BLK: variants seen among roughly 807,000 people sequenced by gnomAD.
BLK encodes tyrosine-protein kinase Blk.
A neutral mutation model predicts 61.8 loss-of-function variants in BLK; 64 were observed. The observed-to-expected ratio is 1.03, with a 90% CI of 0.85 to 1.27. BLK has a LOEUF of 1.27. Among genes scored for constraint, BLK ranks in the 50% most tolerant of loss-of-function variants. The probability of loss-of-function intolerance (pLI) is 0.00; values close to 1 mark genes in which losing one functional copy is unlikely to be tolerated. For synonymous variants in BLK, 351 were observed against 272.0 expected, an observed-to-expected ratio of 1.29 and a Z score of -2.86; for missense variants, 853 against 660.5, an observed-to-expected ratio of 1.29 and a Z score of -3.19.
chr8:11,512,642 A>T (rs1325709898), intron 1 of BLK, among the ~76,000 whole-genome samples: 1 of 142,424 alleles, frequency 7.0e-6, no homozygotes, highest in East Asian at 2.1e-4. Flanking sequence ...TGCAAATTAC[A>T]CAGGCTTCTG....
chr8:11,537,931 T>A (rs1326218952), intron 1 of BLK, among the ~76,000 whole-genome samples: 1 of 152,134 alleles, frequency 6.6e-6, no homozygotes, highest in African/African-American at 2.4e-5. Context: ...AAAGTCTGCA[T>A]TAGAGGGCCT....
At chr8:11,539,261 C>T (rs1279013663) in intron 1 of BLK, among the ~76,000 whole-genome samples, 1 of 152,160 alleles carries the variant, frequency 6.6e-6, no homozygotes. Context: ...ATGGGATTCC[C>T]TCATGCACCT....
Position 11,555,524 on chromosome 8 carries a change from C to A in BLK, c.772+40C>A, listed in dbSNP as rs1290465307. On this transcript the variant is annotated intron_variant, in intron 8 of 12. Transcript: ENST00000259089. ...ACGTGGGAGCATTTCTCCCCCCATTCCACCTGCGCCGCATCCTGAGTCCAG... is the reference window on the plus strand; with the variant it reads ...ACGTGGGAGCATTTCTCCCCCCATTACACCTGCGCCGCATCCTGAGTCCAG... 4 of 1,613,426 alleles carry A rather than the reference C, an allele frequency of 2.5e-6. No homozygotes were observed. The South Asian group carries it at 4.4e-5, about 18-fold the overall frequency.
Position 11,555,373 on chromosome 8 carries a change from G to A in BLK, c.661G>A (p.Val221Met). The change falls in exon 8 of 13, where the codon GTG (valine) becomes ATG (methionine). Residue 221 changes from valine (V) to methionine (M), a missense_variant. Val to Met is a conservative substitution (Grantham distance 21). Coordinates refer to ENST00000259089, the MANE Select transcript of BLK (RefSeq NM_001715.3). Reference sequence around the variant, plus strand: ...ATGCCAGAGGCTGACCCTGCCCTGTGTGCGCCCGGCCCCGCAGAATCCCTG... The same window carrying A: ...ATGCCAGAGGCTGACCCTGCCCTGTATGCGCCCGGCCCCGCAGAATCCCTG... ...GLCQRLTLPCVRPAPQNPWAQ... is the reference protein window; with the variant it reads ...GLCQRLTLPCMRPAPQNPWAQ... 6.2e-7 allele frequency: 1 copy of A among 1,614,138 alleles called. No homozygotes were observed. Among genetic ancestry groups the A allele is most frequent in the Non-Finnish European group, 8.5e-7 (1 of 1,180,024 alleles).
At position 11,495,942 on chromosome 8, in the gene BLK, T is replaced by C. The variant is rs574122827; in HGVS notation, c.-2+1351T>C. Among the ~76,000 whole-genome samples, 335 of 152,270 alleles carry C rather than the reference T, an allele frequency of 2.2e-3. 1 individual carries two copies. Among genetic ancestry groups the C allele is most frequent in the Non-Finnish European group, 3.7e-3 (253 of 68,018 alleles). ...TTGTAATTTTTCTCCAAATCTAAAA[T>C]TACTGCAAAATAAAGAGTTAAAAAA... On this transcript the variant is annotated intron_variant, in intron 1 of 12. Coordinates refer to ENST00000259089, the MANE Select transcript of BLK (RefSeq NM_001715.3).
At position 11,506,793 on chromosome 8, in the gene BLK, C is replaced by T. The variant is rs112599430; in HGVS notation, c.-2+12202C>T. ...CCTCTCAGAGATTCCAGGCCACATC[C>T]CAGGTTGAGGGATGCATCCTCCCAC... is the stretch of plus-strand genomic sequence containing the variant. On this transcript the variant is annotated intron_variant, in intron 1 of 12. Transcript: ENST00000259089. Among the ~76,000 whole-genome samples, 944 of 152,282 alleles carry T rather than the reference C, an allele frequency of 6.2e-3. 8 individuals are homozygous for T. Among genetic ancestry groups the T allele is most frequent in the African/African-American group, 0.02 (822 of 41,548 alleles).
intron 11 of BLK, among the ~76,000 whole-genome samples, chr8:11,562,238 C>T (rs1308753549): frequency 6.6e-6 from 1 of 152,218 alleles, no homozygotes; most frequent in African/African-American, 2.4e-5. Flanking sequence ...CCACGGAGCA[C>T]TGTTTTACTC....
At chr8:11,534,558 C>T (rs1224686578) in intron 1 of BLK, among the ~76,000 whole-genome samples, 1 of 152,218 alleles carries the variant, frequency 6.6e-6, no homozygotes, top group African/African-American at 2.4e-5. Context: ...ATGCCTTCTT[C>T]CTTCCTTCCT....
At chr8:11,503,236 C>G (rs1266374320) in intron 1 of BLK, among the ~76,000 whole-genome samples, 2 of 152,230 alleles carry the variant, frequency 1.3e-5, no homozygotes, top group African/African-American at 4.8e-5. Flanking sequence ...ATGTTCTGCA[C>G]TTAATAGATT....
chr8:11,528,272 A>C (rs1398281209), intron 1 of BLK, among the ~76,000 whole-genome samples: 1 of 152,158 alleles, frequency 6.6e-6, no homozygotes, highest in African/African-American at 2.4e-5. Flanking sequence ...CCTGAGCTCA[A>C]GTGATCTCCC....
In BLK at chr8:11,563,073, G is replaced by A. The variant is rs765390308; in HGVS notation, c.1275G>A (p.Leu425=). Residue 425 remains leucine (L), a synonymous_variant, in exon 12 of 13, where the codon CTG becomes CTA. Transcript: ENST00000259089. ...KADVWSFGVL[L]MEVVTYGRVP... is the part of the protein sequence containing the mutation. Reference sequence around the variant, plus strand: ...ACGTGTGGTCGTTTGGAGTCCTCCTGATGGAAGTTGTCACTTATGGGCGGG... The same window carrying A: ...ACGTGTGGTCGTTTGGAGTCCTCCTAATGGAAGTTGTCACTTATGGGCGGG... The A allele has an allele frequency of 3.7e-6, 6 of 1,613,996 alleles. No homozygotes were observed. The highest frequency in any genetic ancestry group is 1.3e-5 in the African/African-American group (1 of 74,950).
chr8:11,546,348 A>G (rs1800641000), intron 3 of BLK, among the ~76,000 whole-genome samples: 1 of 152,230 alleles, frequency 6.6e-6, no homozygotes, highest in Admixed American at 6.5e-5. Context: ...CAAACTGTAA[A>G]CAAGAACAAA....
intron 10 of BLK, chr8:11,559,037 G>A (rs931036650): frequency 2.9e-5 from 13 of 456,086 alleles, no homozygotes; most frequent in Non-Finnish European, 4.8e-5. Flanking sequence ...CCAGGGCAGT[G>A]ATAAGCCTGC....
At chr8:11,519,511 A>G (rs924169358) in intron 1 of BLK, among the ~76,000 whole-genome samples, 2 of 152,236 alleles carry the variant, frequency 1.3e-5, no homozygotes, top group Non-Finnish European at 2.9e-5. Flanking sequence ...TATTAGCTTG[A>G]ATGACATTAA....
At chr8:11,520,231 C>T (rs1488906265) in intron 1 of BLK, among the ~76,000 whole-genome samples, 5 of 152,046 alleles carry the variant, frequency 3.3e-5, no homozygotes, top group African/African-American at 1.2e-4. Flanking sequence ...AATCCCAGCA[C>T]TTTGGGAGGC....
chr8:11,561,474 A>G (rs754973341), intron 11 of BLK, 22 bp downstream of exon 11: 3 of 1,612,178 alleles, frequency 1.9e-6, no homozygotes, highest in Non-Finnish European at 2.5e-6. Context: ...CCCTAACCAC[A>G]AGGGAAACCT....
rs190603319 is a variant in BLK at position 11,524,396 on chromosome 8, T to C, written c.-1-18828T>C. 1.9e-3 allele frequency among the ~76,000 whole-genome samples: 288 copies of C among 152,358 alleles called. 2 individuals are homozygous for C. Among genetic ancestry groups the C allele is most frequent in the Non-Finnish European group, 2.8e-3 (188 of 68,036 alleles). On this transcript the variant is annotated intron_variant, in intron 1 of 12. Transcript: ENST00000259089. Reference sequence around the variant, plus strand: ...GATGAGAATTTTCTAATTTTCTACATGTGCAGTACTTGCTTAATAAAAAAT... The same window carrying C: ...GATGAGAATTTTCTAATTTTCTACACGTGCAGTACTTGCTTAATAAAAAAT...
Position 11,550,156 on chromosome 8 carries a change from C to T in BLK, c.369-3C>T. 1.2e-6 allele frequency: 2 copies of T among 1,614,000 alleles called. No homozygotes were observed. Among genetic ancestry groups the T allele is most frequent in the Non-Finnish European group, 1.7e-6 (2 of 1,179,928 alleles). On this transcript the variant is annotated splice_polypyrimidine_tract_variant and splice_region_variant and intron_variant, in intron 5 of 12. Coordinates refer to ENST00000259089, the MANE Select transcript of BLK (RefSeq NM_001715.3). ...AGTTTCACCTGTTCCTGCCGTTTTC[C>T]AGGTGGTTCTTTAGATCACAGGGTC...
chr8:11,517,996 T>C (rs1799295245), intron 1 of BLK, among the ~76,000 whole-genome samples: 1 of 152,234 alleles, frequency 6.6e-6, no homozygotes, highest in African/African-American at 2.4e-5. Context: ...AGATGTGAGC[T>C]GGCTTTGCTT....
Sources: allele counts gnomAD v4.1 joint callset (sites outside exome capture counted in the v4.1 genomes callset), GRCh38; gene constraint gnomAD v4.1.1; transcripts MANE v1.5; gene names NCBI Gene and HGNC (gene_info 2026-07-23, HGNC 2026-07-21).